Variants in MALRD1 observed in about 807,000 individuals in gnomAD.
The protein encoded by MALRD1 is MAM and LDL-receptor class A domain-containing protein 1.
A neutral mutation model predicts 242.1 loss-of-function variants in MALRD1; 247 were observed. The ratio of observed to expected loss-of-function variants is 1.02; its 90% CI spans 0.92 to 1.13. The LOEUF (loss-of-function observed/expected upper bound fraction) is 1.13, where lower values mean the gene tolerates loss of function less well. MALRD1 is among the 50% of genes most tolerant of loss of function. The probability of loss-of-function intolerance (pLI) is 0.00; values close to 1 mark genes in which losing one functional copy is unlikely to be tolerated. For missense variants in MALRD1, 2,989 were observed against 2,533.1 expected (o/e 1.18, Z -3.86); for synonymous variants, 995 against 866.6 (o/e 1.15, Z -2.60).
At chr10:19,291,856 G>A (rs571281743) in intron 21 of MALRD1, among the ~76,000 whole-genome samples, 25 of 151,920 alleles carry the variant, frequency 1.6e-4, no homozygotes, top group South Asian at 6.2e-4. Context: ...AGGCTGAGGC[G>A]GGTGGATCAC....
chr10:19,510,948 A>G (rs150429442), intron 31 of MALRD1, among the ~76,000 whole-genome samples: 1,632 of 152,200 alleles, frequency 0.011, 6 homozygotes, highest in Non-Finnish European at 0.018. Flanking sequence ...TACTGTAGAC[A>G]CTCCCCGCTG....
At chr10:19,663,566 T>C (rs1841539577) in intron 36 of MALRD1, among the ~76,000 whole-genome samples, 2 of 152,036 alleles carry the variant, frequency 1.3e-5, no homozygotes, top group African/African-American at 2.4e-5. Context: ...GCAGAATCAA[T>C]TAGTGGTTCT....
At chr10:19,193,740 G>A (rs1314383994) in intron 14 of MALRD1, among the ~76,000 whole-genome samples, 1 of 151,916 alleles carries the variant, frequency 6.6e-6, no homozygotes, top group South Asian at 2.1e-4. Flanking sequence ...AGCAACTTGA[G>A]TTTTAGCTTA....
At chr10:19,623,051 A>G (rs1839474785) in intron 36 of MALRD1, among the ~76,000 whole-genome samples, 1 of 152,088 alleles carries the variant, frequency 6.6e-6, no homozygotes. Context: ...TACACACTAT[A>G]GAAATAAGCA....
rs1255554390 is a variant in MALRD1, at chr10:19,171,946, AAT to A, written c.1831-3257_1831-3256del. 2.7e-4 allele frequency among the ~76,000 whole-genome samples: 33 copies of A among 123,570 alleles called. 3 individuals carry two copies. The highest frequency in any genetic ancestry group is 9.4e-4 in the African/African-American group (33 of 35,268). 81.1% of individuals were successfully genotyped at this position (123,570 alleles called of 152,430 possible). On this transcript the variant is annotated intron_variant, in intron 13 of 39. Coordinates refer to ENST00000454679, the MANE Select transcript of MALRD1 (RefSeq NM_001142308.3). ...CATATATGTGATATATATATCATATAATATATGTATATATCACATATATGTGA... is the reference window on the plus strand; with the variant it reads ...CATATATGTGATATATATATCATATAATATGTATATATCACATATATGTGA...
chr10:19,341,612 G>A (rs1176016718), intron 24 of MALRD1, among the ~76,000 whole-genome samples: 1 of 151,062 alleles, frequency 6.6e-6, no homozygotes, highest in Non-Finnish European at 1.5e-5. Flanking sequence ...ATATTACAGT[G>A]ATTAGTGTTC....
chr10:19,412,489 A>G (rs1350518578), intron 28 of MALRD1, among the ~76,000 whole-genome samples: 1 of 152,226 alleles, frequency 6.6e-6, no homozygotes, highest in African/African-American at 2.4e-5. Flanking sequence ...ATATAACTAG[A>G]AAACCCAAAT....
At chr10:19,352,374 A>T in intron 26 of MALRD1, 77 bp downstream of exon 26, 16 of 1,326,078 alleles carry the variant, frequency 1.2e-5, no homozygotes, top group Non-Finnish European at 1.7e-5. Context: ...ATGCAAAAGA[A>T]ATAGCATAAA....
chr10:19,685,097 C>T (rs6482024), intron 36 of MALRD1, among the ~76,000 whole-genome samples: 141,992 of 152,236 alleles, frequency 0.93, 66,273 homozygotes, highest in Admixed American at 0.95. Flanking sequence ...ACTTCCTTCC[C>T]TGGAATAAAT....
Position 19,352,037 on chromosome 10 carries a change from G to C in MALRD1, c.4181G>C (p.Gly1394Ala), listed in dbSNP as rs138930604. 12 of 1,549,782 alleles carry C rather than the reference G, an allele frequency of 7.7e-6. No homozygotes were observed. In the East Asian group the frequency reaches 1.2e-4, roughly 16 times the overall value. The change falls in exon 26 of 40, where the codon GGC (glycine) becomes GCC (alanine). Residue 1394 changes from glycine (G) to alanine (A), a missense_variant. Physicochemically the swap from Gly to Ala is moderately conservative, Grantham distance 60. Transcript: ENST00000454679. Reference sequence around the variant, plus strand: ...TTTCATTATCACATGTATGGAAATGGCATTGGGGCACTCACCTTAATGCAG... The same window carrying C: ...TTTCATTATCACATGTATGGAAATGCCATTGGGGCACTCACCTTAATGCAG... ...IIFHYHMYGN[G>A]IGALTLMQVS...
At chr10:19,121,290 T>C (rs113170731) in intron 5 of MALRD1, among the ~76,000 whole-genome samples, 11,354 of 151,736 alleles carry the variant, frequency 0.075, 500 homozygotes, top group South Asian at 0.13. Context: ...ATCCACCTGC[T>C]TCGGCCTCCC....
At chr10:19,463,051 T>C (rs2358401) in intron 29 of MALRD1, among the ~76,000 whole-genome samples, 72,139 of 151,982 alleles carry the variant, frequency 0.47, 17,145 homozygotes, top group East Asian at 0.54. Context: ...AATGTGTTTA[T>C]TCAAAACTAA....
intron 35 of MALRD1, among the ~76,000 whole-genome samples, chr10:19,614,828 G>C (rs1382216529): frequency 6.6e-6 from 1 of 152,032 alleles, no homozygotes; most frequent in Non-Finnish European, 1.5e-5. Context: ...GCAGAGGTAG[G>C]ACATCTGCAT....
At chr10:19,523,545 T>C (rs1833967816) in intron 31 of MALRD1, among the ~76,000 whole-genome samples, 1 of 152,238 alleles carries the variant, frequency 6.6e-6, no homozygotes, top group Non-Finnish European at 1.5e-5. Context: ...AGAAATGTTA[T>C]TAAGTTAATT....
At chr10:19,103,582 G>T (rs1160097971) in intron 4 of MALRD1, among the ~76,000 whole-genome samples, 1 of 142,946 alleles carries the variant, frequency 7.0e-6, no homozygotes. Context: ...AAGATTTAGA[G>T]AACCAAAGGG....
At chr10:19,384,058 G>A (rs576557865) in intron 26 of MALRD1, among the ~76,000 whole-genome samples, 1 of 151,690 alleles carries the variant, frequency 6.6e-6, no homozygotes, top group South Asian at 2.1e-4. Context: ...AAGTATTCCA[G>A]GTAAGAGAGA....
In MALRD1 at chr10:19,493,636, C is replaced by G. The variant is rs182304786; in HGVS notation, c.5158+1991C>G. On this transcript the variant is annotated intron_variant, in intron 30 of 39. Transcript: ENST00000454679. ...CAGCCTGGCCAACATGGTGAAACCC[C>G]GTCTCTACTAAAAAAAAAAAAAAAA... Among the ~76,000 whole-genome samples, 355 of 145,556 alleles carry G rather than the reference C, an allele frequency of 2.4e-3. 6 individuals are homozygous for G. The East Asian group carries it at 0.049, about 20-fold the overall frequency.
In MALRD1 at chr10:19,181,740, GA is replaced by G. The variant is rs558333094; in HGVS notation, c.1951+6420del. Among the ~76,000 whole-genome samples the G allele has an allele frequency of 1.8e-3, 264 of 149,156 alleles. 1 individual carries two copies. The highest frequency in any genetic ancestry group is 5.5e-3 in the African/African-American group (224 of 40,838). ...TTTAGCTACTCTTGCCACAAAAAAA[GA>G]AAAAAAAGGGCAATTATGTGAGATA... is the stretch of plus-strand genomic sequence containing the variant. On this transcript the variant is annotated intron_variant, in intron 14 of 39. Transcript: ENST00000454679.
At chr10:19,142,304 T>C (rs1044085892) in intron 10 of MALRD1, among the ~76,000 whole-genome samples, 12 of 151,988 alleles carry the variant, frequency 7.9e-5, no homozygotes, top group Admixed American at 3.9e-4. Flanking sequence ...AAAATATTTA[T>C]AATGTAATCC....
Sources: allele counts gnomAD v4.1 joint callset (sites outside exome capture counted in the v4.1 genomes callset), GRCh38; gene constraint gnomAD v4.1.1; transcripts MANE v1.5; gene names NCBI Gene and HGNC (gene_info 2026-07-23, HGNC 2026-07-21).